The following RBPMS variants were observed in gnomAD, a reference collection of about 807,000 sequenced individuals.
The protein encoded by RBPMS is RNA-binding protein with multiple splicing.
RBPMS carries 7 observed loss-of-function variants against 26.8 expected under a neutral mutation model. That is an observed-to-expected ratio of 0.26 (90% CI 0.15 to 0.49). The LOEUF (loss-of-function observed/expected upper bound fraction) is 0.49, where lower values mean the gene tolerates loss of function less well. Among genes scored for constraint, RBPMS ranks in the 20% least tolerant of loss-of-function variants. The pLI is 0.98. For missense variants in RBPMS, 186 were observed against 250.0 expected (o/e 0.74, Z 1.73); for synonymous variants, 96 against 93.3 (o/e 1.03, Z -0.17).
At chr8:30,420,329 T>C (rs989171211) in intron 1 of RBPMS, among the ~76,000 whole-genome samples, 2 of 152,170 alleles carry the variant, frequency 1.3e-5, no homozygotes, top group African/African-American at 4.8e-5. Flanking sequence ...AAACATTAAA[T>C]GAAATTCTGA....
intron 6 of RBPMS, among the ~76,000 whole-genome samples, chr8:30,551,703 G>A (rs552316871): frequency 8.3e-4 from 127 of 152,268 alleles, no homozygotes; most frequent in African/African-American, 3.0e-3. Flanking sequence ...ACAACCGCGT[G>A]GCCCAACTGT....
chr8:30,452,438 A>G (rs1186098996), intron 1 of RBPMS, among the ~76,000 whole-genome samples: 2 of 152,196 alleles, frequency 1.3e-5, no homozygotes, highest in Non-Finnish European at 2.9e-5. Flanking sequence ...GAATATCACC[A>G]GGTGGCAGTT....
At chr8:30,521,199 T>C (rs929162149) in intron 5 of RBPMS, among the ~76,000 whole-genome samples, 1 of 152,202 alleles carries the variant, frequency 6.6e-6, no homozygotes, top group Admixed American at 6.5e-5. Flanking sequence ...TCTCTGCTTG[T>C]TTTAACACCT....
intron 5 of RBPMS, among the ~76,000 whole-genome samples, chr8:30,528,169 T>G (rs1025136348): frequency 6.6e-6 from 1 of 151,576 alleles, no homozygotes; most frequent in African/African-American, 2.4e-5. Context: ...GAGCGAAACT[T>G]TATTCCAAAA....
chr8:30,479,439 C>G (rs1465696856), intron 4 of RBPMS, 62 bp downstream of exon 4: 5 of 1,195,766 alleles, frequency 4.2e-6, no homozygotes, highest in Non-Finnish European at 6.2e-6. Flanking sequence ...GTAATGGAAT[C>G]TCTTTGGACG....
At position 30,504,382 on chromosome 8, in the gene RBPMS, A is replaced by C. The variant is rs1820873395; in HGVS notation, c.343A>C (p.Asn115His). 1.2e-6 allele frequency: 2 copies of C among 1,614,094 alleles called. No homozygotes were observed. Among genetic ancestry groups the C allele is most frequent in the Non-Finnish European group, 1.7e-6 (2 of 1,180,002 alleles). The change falls in exon 5 of 9, where the codon AAC (asparagine) becomes CAC (histidine). Residue 115 changes from asparagine (N) to histidine (H), a missense_variant. By Grantham distance (68) the Asn-to-His change is moderately conservative. Around this residue, in one of 3 missense-constraint regions of RBPMS, gnomAD observed 98 missense variants for 113.6 expected, o/e 0.86. Transcript: ENST00000397323. ...MAKNKLVGTP[N>H]PSTPLPNTVP... The stretch of plus-strand genomic sequence containing the variant: ...CAAGAACAAACTCGTAGGGACTCCA[A>C]ACCCCAGTACTCCTCTGCCCAACAC...
chr8:30,424,145 C>T (rs1344802659), intron 1 of RBPMS, among the ~76,000 whole-genome samples: 1 of 152,132 alleles, frequency 6.6e-6, no homozygotes, highest in Admixed American at 6.6e-5. Context: ...CTTGGATGGG[C>T]TTTGATGTCT....
chr8:30,529,259 C>T (rs970348580), intron 5 of RBPMS, among the ~76,000 whole-genome samples: 1 of 151,800 alleles, frequency 6.6e-6, no homozygotes, highest in Non-Finnish European at 1.5e-5. Context: ...TGACATAAAC[C>T]TGCCATTTTT....
intron 1 of RBPMS, among the ~76,000 whole-genome samples, chr8:30,393,632 C>G (rs192156467): frequency 8.7e-4 from 133 of 152,166 alleles, no homozygotes; most frequent in African/African-American, 3.1e-3. Flanking sequence ...ATTCTGCTGC[C>G]TCAGCCTCCC....
chr8:30,386,367 G>T (rs1018760722), intron 1 of RBPMS, among the ~76,000 whole-genome samples: 1 of 152,190 alleles, frequency 6.6e-6, no homozygotes, highest in African/African-American at 2.4e-5. Flanking sequence ...AGAAGGTAGA[G>T]GAGCGAGACT....
chr8:30,439,957 A>G (rs527949031), intron 1 of RBPMS, among the ~76,000 whole-genome samples: 1 of 152,258 alleles, frequency 6.6e-6, no homozygotes, highest in Admixed American at 6.5e-5. Flanking sequence ...AGGCGGGATT[A>G]CTTGAGGCCA....
At chr8:30,450,531 C>T (rs896366609) in intron 1 of RBPMS, among the ~76,000 whole-genome samples, 19 of 152,052 alleles carry the variant, frequency 1.2e-4, no homozygotes, top group African/African-American at 4.6e-4. Flanking sequence ...CTGGCAGCTC[C>T]CAGGTCATGA....
At chr8:30,493,775 C>G (rs763739737) in intron 4 of RBPMS, among the ~76,000 whole-genome samples, 1 of 152,134 alleles carries the variant, frequency 6.6e-6, no homozygotes, top group Non-Finnish European at 1.5e-5. Context: ...GGCAAAAGTT[C>G]AAACAATCAC....
At chr8:30,458,920 G>A (rs2150772160) in intron 1 of RBPMS, among the ~76,000 whole-genome samples, 1 of 151,022 alleles carries the variant, frequency 6.6e-6, no homozygotes, top group Non-Finnish European at 1.5e-5. Context: ...GCCTCCCGAA[G>A]TGATGAGATT....
At chr8:30,551,947 T>C (rs534464431) in intron 6 of RBPMS, among the ~76,000 whole-genome samples, 1 of 152,328 alleles carries the variant, frequency 6.6e-6, no homozygotes, top group African/African-American at 2.4e-5. Context: ...GTCATAGTTA[T>C]GATTAAAATA....
chr8:30,511,095 T>TC (rs1421026556), intron 5 of RBPMS, among the ~76,000 whole-genome samples: 2 of 151,814 alleles, frequency 1.3e-5, no homozygotes, highest in Non-Finnish European at 2.9e-5. Flanking sequence ...TCTCAAGTGA[T>TC]CAGGAGGTCA....
At chr8:30,462,577 C>A (rs1231998323) in intron 1 of RBPMS, among the ~76,000 whole-genome samples, 1 of 151,976 alleles carries the variant, frequency 6.6e-6, no homozygotes, top group Non-Finnish European at 1.5e-5. Flanking sequence ...TCCACCACCA[C>A]GCCCAGCTAA....
chr8:30,491,273 T>G (rs1409500152), intron 4 of RBPMS, among the ~76,000 whole-genome samples: 1 of 152,250 alleles, frequency 6.6e-6, no homozygotes, highest in African/African-American at 2.4e-5. Context: ...TTTTTAAATG[T>G]ACTACAGCTT....
chr8:30,527,048 T>TA (rs1205418709), intron 5 of RBPMS, among the ~76,000 whole-genome samples: 1 of 152,220 alleles, frequency 6.6e-6, no homozygotes, highest in Non-Finnish European at 1.5e-5. Context: ...GATACATACT[T>TA]ACAAAACTTT....
Sources: allele counts gnomAD v4.1 joint callset (sites outside exome capture counted in the v4.1 genomes callset), GRCh38; gene constraint gnomAD v4.1.1; regional missense constraint gnomAD v4.1.1; transcripts MANE v1.5; gene names NCBI Gene and HGNC (gene_info 2026-07-23, HGNC 2026-07-21).